Variants in REC8 observed in about 807,000 individuals in gnomAD.
The protein encoded by REC8 is REC8 meiotic recombination protein.
REC8 carries 42 observed loss-of-function variants against 78.3 expected under a neutral mutation model. That is an observed-to-expected ratio of 0.54 (90% CI 0.42 to 0.69). REC8 has a LOEUF of 0.69. REC8 is among the 30% of genes least tolerant of loss of function. REC8 has a pLI of 0.00. For missense variants in REC8, 581 were observed against 715.8 expected (o/e 0.81, Z 2.15); for synonymous variants, 268 against 274.1 (o/e 0.98, Z 0.22).
At chr14:24,176,602 C>T (rs2038910470) in intron 6 of REC8, among the ~76,000 whole-genome samples, 1 of 152,142 alleles carries the variant, frequency 6.6e-6, no homozygotes, top group African/African-American at 2.4e-5. Flanking sequence ...GTTGGGATTA[C>T]AGGTGTGAGC....
At position 24,179,741 on chromosome 14, in the gene REC8, G is replaced by T; in HGVS notation, c.1451+15G>T. The T allele has an allele frequency of 1.9e-6, 3 of 1,614,172 alleles. No individual in the cohort carries two copies. Among genetic ancestry groups the T allele is most frequent in the Non-Finnish European group, 2.5e-6 (3 of 1,180,028 alleles). On this transcript the variant is annotated intron_variant, in intron 17 of 18. Coordinates refer to ENST00000611366, the MANE Select transcript of REC8 (RefSeq NM_001048205.2). ...GCAGTGCACAGGTACCAGGGAGGTGGCACCTTGATGGGGTGGACCCGGGCT... is the reference window on the plus strand; with the variant it reads ...GCAGTGCACAGGTACCAGGGAGGTGTCACCTTGATGGGGTGGACCCGGGCT...
At chr14:24,177,651 C>G (rs2038960156) in intron 10 of REC8, 58 bp from the exon 11 acceptor site, 2 of 1,581,106 alleles carry the variant, frequency 1.3e-6, no homozygotes. Context: ...GTTTCTTGCC[C>G]TGGCATCTGC....
downstream of REC8, chr14:24,180,676 C>T (rs2039119826): frequency 1.9e-6 from 3 of 1,614,134 alleles, no homozygotes; most frequent in Non-Finnish European, 2.5e-6. Context: ...CTGCCTATGA[C>T]TCCTACCCTC....
chr14:24,178,147 C>G lies in REC8; in HGVS notation c.921C>G (p.Phe307Leu). 1 of 1,614,080 alleles carries G rather than the reference C, an allele frequency of 6.2e-7. No individual in the cohort carries two copies. Among genetic ancestry groups the G allele is most frequent in the Non-Finnish European group, 8.5e-7 (1 of 1,179,972 alleles). Residue 307 changes from phenylalanine (F) to leucine (L), a missense_variant, in exon 12 of 19, where the codon TTC (phenylalanine) becomes TTG (leucine). Physicochemically the swap from Phe to Leu is conservative, Grantham distance 22. Transcript: ENST00000611366. ...GCCGCCGTCGTCGCCGGTTACTGTT[C>G]TGGGACAAGGAGACTCAGATCTCCC... is the stretch of plus-strand genomic sequence containing the variant. ...PRRRRRRRLL[F>L]WDKETQISPE... is the part of the protein sequence containing the mutation.
chr14:24,180,412 ATTC>A, downstream of REC8: 2 of 1,596,420 alleles, frequency 1.3e-6, no homozygotes, highest in Non-Finnish European at 1.7e-6. Flanking sequence ...GGCAGGCTCT[ATTC>A]TCTCTGGACT....
intron 7 of REC8, 75 bp downstream of exon 7, chr14:24,176,976 T>G: frequency 7.1e-7 from 1 of 1,408,608 alleles, no homozygotes; most frequent in Non-Finnish European, 9.9e-7. Flanking sequence ...GAGTCCTGCC[T>G]TTTCTGTCTC....
downstream of REC8, chr14:24,180,816 G>C (rs1427348930): frequency 6.5e-7 from 1 of 1,531,832 alleles, no homozygotes; most frequent in African/African-American, 1.4e-5. Context: ...GTCTAGGAGG[G>C]TGGTCAGGAC....
At chr14:24,174,791 C>G (rs2038818151) in intron 5 of REC8, among the ~76,000 whole-genome samples, 2 of 152,108 alleles carry the variant, frequency 1.3e-5, no homozygotes, top group Admixed American at 1.3e-4. Flanking sequence ...CTGCCCTTCT[C>G]TATGAAATAT....
chr14:24,179,624 C>CTCCT lies in REC8; in HGVS notation c.1350_1353dup (p.Ala452SerfsTer8), dbSNP rs1245103556. On this transcript the variant is annotated frameshift_variant, in exon 17 of 19. Transcript: ENST00000611366. LOFTEE classifies it high-confidence loss of function. ...TGGCCTGAGGTGGAGGCGCCAGAAG[C>CTCCT]TCCTGCATTGCCCGTGGTGCCTGAA... 1.9e-6 allele frequency: 3 copies of CTCCT among 1,614,084 alleles called. No individual in the cohort carries two copies. In the African/African-American group the frequency reaches 4.0e-5, roughly 22 times the overall value.
At chr14:24,173,437 G>A (rs757979522) in intron 5 of REC8, 26 bp downstream of exon 5, 4 of 1,612,882 alleles carry the variant, frequency 2.5e-6, no homozygotes, top group Non-Finnish European at 3.4e-6. Flanking sequence ...CAAGACTCGT[G>A]AATTGGCAAT....
chr14:24,173,055 C>T lies in REC8; in HGVS notation c.268+14C>T. On this transcript the variant is annotated intron_variant, in intron 3 of 18. Coordinates refer to ENST00000611366, the MANE Select transcript of REC8 (RefSeq NM_001048205.2). ...AGTACCTCGTGGGTAAGGCTGGGAACCCTCAAAGGTGGGGCGGGCTGAGCA... is the reference window on the plus strand; with the variant it reads ...AGTACCTCGTGGGTAAGGCTGGGAATCCTCAAAGGTGGGGCGGGCTGAGCA... 1 of 1,610,548 alleles carries T rather than the reference C, an allele frequency of 6.2e-7. No individual in the cohort carries two copies.
chr14:24,178,073 G>A lies in REC8; in HGVS notation c.865-18G>A, dbSNP rs1159749455. ...GTAATGGGCAGCCTTGCCCCTACCTGCCCTCCCCACTCAACAGAGGAGGCC... is the reference window on the plus strand; with the variant it reads ...GTAATGGGCAGCCTTGCCCCTACCTACCCTCCCCACTCAACAGAGGAGGCC... On this transcript the variant is annotated intron_variant, in intron 11 of 18. Transcript: ENST00000611366. 2.5e-6 allele frequency: 4 copies of A among 1,608,720 alleles called. No individual in the cohort carries two copies. The highest frequency in any genetic ancestry group is 1.1e-5 in the South Asian group (1 of 90,726).
rs746825345 is a variant in REC8, at chr14:24,177,459, C to T, written c.738-6C>T. The T allele has an allele frequency of 3.1e-6, 5 of 1,614,148 alleles. No homozygotes were observed. The highest frequency in any genetic ancestry group is 1.1e-5 in the South Asian group (1 of 91,082). ...CTCCTCATTTCTCTTGCCCATTTCC[C>T]CTCAGGGTGGAAGGAATAGGAGAGG... On this transcript the variant is annotated splice_region_variant and splice_polypyrimidine_tract_variant and intron_variant, in intron 9 of 18. Coordinates refer to ENST00000611366, the MANE Select transcript of REC8 (RefSeq NM_001048205.2).
intron 5 of REC8, chr14:24,175,302 G>A (rs1199711981): frequency 7.9e-6 from 3 of 381,280 alleles, no homozygotes; most frequent in Admixed American, 4.0e-5. Context: ...CACCGAGCCC[G>A]GCCTTCTTGC....
At chr14:24,174,394 C>T (rs754256098) in intron 5 of REC8, among the ~76,000 whole-genome samples, 18 of 152,328 alleles carry the variant, frequency 1.2e-4, no homozygotes, top group African/African-American at 1.7e-4. Flanking sequence ...TCTCCTGCCT[C>T]GGCCTCCCGA....
In REC8 at chr14:24,178,692, G is replaced by C. The variant is rs966761092; in HGVS notation, c.1063+20G>C. 1.9e-6 allele frequency: 3 copies of C among 1,613,774 alleles called. No individual in the cohort carries two copies. The highest frequency in any genetic ancestry group is 2.5e-6 in the Non-Finnish European group (3 of 1,179,916). ...CTCTCTGTAAGAATGGTGGGGGTTGGGCACGAAGTATCCTCAAAACCAATT... is the reference window on the plus strand; with the variant it reads ...CTCTCTGTAAGAATGGTGGGGGTTGCGCACGAAGTATCCTCAAAACCAATT... On this transcript the variant is annotated intron_variant, in intron 13 of 18. Transcript: ENST00000611366.
At chr14:24,175,725 G>A (rs1017473925) in intron 6 of REC8, 101 bp downstream of exon 6, 77 of 800,270 alleles carry the variant, frequency 9.6e-5, no homozygotes, top group Non-Finnish European at 4.2e-5. Flanking sequence ...TGTGAGGGGC[G>A]CTTTTTTTTT....
rs745675271 is a variant in REC8 at position 24,178,768 on chromosome 14, T to C, written c.1064-9T>C. ...TCAAACCCCGTGCCTACTACCCTCT[T>C]GTCCACAGCTGGCTGGCTACCCCCT... On this transcript the variant is annotated splice_polypyrimidine_tract_variant and intron_variant, in intron 13 of 18. Coordinates refer to ENST00000611366, the MANE Select transcript of REC8 (RefSeq NM_001048205.2). 2 of 1,607,466 alleles carry C rather than the reference T, an allele frequency of 1.2e-6. No individual in the cohort carries two copies. The highest frequency in any genetic ancestry group is 2.2e-5 in the South Asian group (2 of 90,738).
chr14:24,180,105 C>T lies in REC8; in HGVS notation c.*10C>T, dbSNP rs878856185. ...GCCCAGATTCCACTGAGGTTAGAGT[C>T]CATTTACAAAGCTGCCAGGAAACCG... On this transcript the variant is annotated 3_prime_UTR_variant, in exon 19 of 19. Transcript: ENST00000611366. 4.3e-6 allele frequency: 7 copies of T among 1,614,124 alleles called. 1 individual carries two copies. In the South Asian group the frequency reaches 7.7e-5, roughly 18 times the overall value.
Sources: allele counts gnomAD v4.1 joint callset (sites outside exome capture counted in the v4.1 genomes callset), GRCh38; gene constraint gnomAD v4.1.1; transcripts MANE v1.5; gene names NCBI Gene and HGNC (gene_info 2026-07-23, HGNC 2026-07-21).